The following MARF1 variants were observed in gnomAD, a reference collection of about 807,000 sequenced individuals.
MARF1 encodes the protein meiosis regulator and mRNA stability factor 1.
Under a neutral mutation model 168.2 loss-of-function variants are expected in MARF1, and 24 were observed. That is an observed-to-expected ratio of 0.14 (90% CI 0.10 to 0.20). MARF1 has a LOEUF of 0.20. Among genes scored for constraint, MARF1 ranks in the 10% least tolerant of loss-of-function variants. MARF1 has a pLI of 1.00. For synonymous variants in MARF1, 868 were observed against 822.4 expected, an observed-to-expected ratio of 1.06 and a Z score of -0.95; for missense variants, 1,744 against 2,143.6, an observed-to-expected ratio of 0.81 and a Z score of 3.68.
At chr16:15,615,266 T>G (rs980322761) in intron 16 of MARF1, among the ~76,000 whole-genome samples, 3 of 151,932 alleles carry the variant, frequency 2.0e-5, no homozygotes, top group Non-Finnish European at 4.4e-5. Context: ...GAGGCCATAG[T>G]GGGACGACAT....
intron 16 of MARF1, among the ~76,000 whole-genome samples, chr16:15,615,088 C>T (rs1307854364): frequency 6.6e-6 from 1 of 152,152 alleles, no homozygotes; most frequent in Non-Finnish European, 1.5e-5. Context: ...GCCCCTGAAA[C>T]TATTTTTAAA....
rs577123015 is a variant in MARF1, at chr16:15,615,019, G to A, written c.3253+811C>T. On this transcript the variant is annotated intron_variant, in intron 16 of 26. Coordinates refer to ENST00000396368, the MANE Select transcript of MARF1 (RefSeq NM_014647.4). Reference sequence around the variant, plus strand: ...TGGTCTTGAACTCCTGACCTCAGGTGATTTACCCACCTCAGCTTCCCAGAG... The same window carrying A: ...TGGTCTTGAACTCCTGACCTCAGGTAATTTACCCACCTCAGCTTCCCAGAG... Among the ~76,000 whole-genome samples the A allele has an allele frequency of 3.3e-5, 5 of 152,220 alleles. No individual in the cohort carries two copies. The South Asian group carries it at 1.0e-3, about 32-fold the overall frequency.
At chr16:15,623,274 C>CTTTTTTTTTTTT (rs71375044) in intron 10 of MARF1, 151 bp from the exon 11 acceptor site, 3 of 114,990 alleles carry the variant, frequency 2.6e-5, no homozygotes, top group Non-Finnish European at 1.5e-5. Context: ...TGTTTTTAAT[C>CTTTTTTTTTTTT]TTTTTTTTTT....
At chr16:15,623,667 T>C (rs550641145) in intron 10 of MARF1, among the ~76,000 whole-genome samples, 2 of 152,188 alleles carry the variant, frequency 1.3e-5, no homozygotes, top group African/African-American at 4.8e-5. Context: ...CCAATTAATA[T>C]ATATTCTTCC....
rs534208948 is a variant in MARF1 at position 15,596,398 on chromosome 16, C to G, written c.*295G>C. The G allele has an allele frequency of 4.4e-6, 1 of 229,236 alleles. No individual in the cohort carries two copies. Among genetic ancestry groups the G allele is most frequent in the East Asian group, 8.9e-5 (1 of 11,250 alleles). 14.2% of individuals were successfully genotyped at this position (229,236 alleles called of 1,614,324 possible). ...TTAGTGCTTTCTTCTTTTGGAACAC[C>G]ATTGTATTTCATAATAGTTACTAAA... On this transcript the variant is annotated 3_prime_UTR_variant, in exon 27 of 27. Coordinates refer to ENST00000396368, the MANE Select transcript of MARF1 (RefSeq NM_014647.4).
intron 26 of MARF1, among the ~76,000 whole-genome samples, chr16:15,598,575 AG>A (rs2032012422): frequency 6.6e-6 from 1 of 152,046 alleles, no homozygotes; most frequent in Non-Finnish European, 1.5e-5. Context: ...GAAGCCCAGG[AG>A]GCCCCACCCA....
At chr16:15,638,164 C>CAAAA (rs980443141) in intron 2 of MARF1, among the ~76,000 whole-genome samples, 7 of 151,682 alleles carry the variant, frequency 4.6e-5, no homozygotes, top group Admixed American at 4.6e-4. Context: ...GACTCTGTCT[C>CAAAA]AAAAAATAAA....
At chr16:15,614,216 C>T (rs543055511) in intron 16 of MARF1, among the ~76,000 whole-genome samples, 8 of 152,126 alleles carry the variant, frequency 5.3e-5, no homozygotes, top group African/African-American at 1.9e-4. Context: ...GGTGCGGTGG[C>T]TCACGTCTGT....
intron 12 of MARF1, among the ~76,000 whole-genome samples, 185 bp from the exon 13 acceptor site, chr16:15,620,716 T>G (rs1195903150): frequency 6.6e-6 from 1 of 152,182 alleles, no homozygotes; most frequent in Non-Finnish European, 1.5e-5. Context: ...GAAAGAAGAT[T>G]ACGTTACACA....
At chr16:15,600,810 A>G in intron 23 of MARF1, 109 bp from the exon 24 acceptor site, 1 of 1,112,410 alleles carries the variant, frequency 9.0e-7, no homozygotes, top group Admixed American at 1.8e-5. Context: ...AGAATTTAGG[A>G]GCTGAGTTAC....
At chr16:15,612,837 G>GA in intron 16 of MARF1, 60 bp from the exon 17 acceptor site, 1 of 1,439,802 alleles carries the variant, frequency 6.9e-7, no homozygotes, top group Non-Finnish European at 9.7e-7. Flanking sequence ...TGAAAGAAGG[G>GA]AAAATGGCCC....
chr16:15,619,201 C>A (rs1212884778), intron 13 of MARF1, among the ~76,000 whole-genome samples: 1 of 152,186 alleles, frequency 6.6e-6, no homozygotes, highest in Non-Finnish European at 1.5e-5. Flanking sequence ...CATCTGAGTC[C>A]AGGAGTCTGA....
At chr16:15,619,753 C>G (rs547517123) in intron 13 of MARF1, among the ~76,000 whole-genome samples, 1 of 152,344 alleles carries the variant, frequency 6.6e-6, no homozygotes, top group East Asian at 1.9e-4. Context: ...CTTGTACTCA[C>G]TAGTCCCTGC....
chr16:15,610,908 C>G, intron 19 of MARF1, 67 bp downstream of exon 19: 3 of 1,498,328 alleles, frequency 2.0e-6, no homozygotes, highest in Non-Finnish European at 2.7e-6. Context: ...CCACATCTTC[C>G]ATGCCACACT....
At chr16:15,614,150 G>C (rs568699395) in intron 16 of MARF1, among the ~76,000 whole-genome samples, 1 of 152,132 alleles carries the variant, frequency 6.6e-6, no homozygotes, top group South Asian at 2.1e-4. Flanking sequence ...GCATTAAGTG[G>C]TATTTCCTTC....
rs926270302 is a variant in MARF1, at chr16:15,596,590, G to A, written c.*103C>T. On this transcript the variant is annotated 3_prime_UTR_variant, in exon 27 of 27. Coordinates refer to ENST00000396368, the MANE Select transcript of MARF1 (RefSeq NM_014647.4). ...CAGGTAAGATGAAGTCAATGGCTTC[G>A]GGGGGTTTTCATGACACAGAAAAGG... is the stretch of plus-strand genomic sequence containing the variant. 4.7e-5 allele frequency: 57 copies of A among 1,221,304 alleles called. No individual in the cohort carries two copies. The highest frequency in any genetic ancestry group is 5.5e-5 in the Non-Finnish European group (49 of 896,608). The allele number at this position is 1,221,304 out of a possible 1,614,324, so 75.7% of individuals were successfully genotyped here.
rs2032335706 is a variant in MARF1, at chr16:15,600,666, A to G, written c.4662T>C (p.Ile1554=). 6.2e-7 allele frequency: 1 copy of G among 1,613,700 alleles called. No individual in the cohort carries two copies. Among genetic ancestry groups the G allele is most frequent in the African/African-American group, 1.3e-5 (1 of 74,908 alleles). ...TTTTCATGTCATTTTTTAACACTACAATTCTCTTATGACCATGTCCTTTTA... is the reference window on the plus strand; with the variant it reads ...TTTTCATGTCATTTTTTAACACTACGATTCTCTTATGACCATGTCCTTTTA... ...VWIKGHGHKR[I]VVLKNDMKSR... Residue 1554 remains isoleucine, a synonymous_variant, in exon 24 of 27, where the codon ATT becomes ATC. Coordinates refer to ENST00000396368, the MANE Select transcript of MARF1 (RefSeq NM_014647.4).
At position 15,602,191 on chromosome 16, in the gene MARF1, C is replaced by T. The variant is rs1019209975; in HGVS notation, c.4426G>A (p.Asp1476Asn). 5.6e-6 allele frequency: 9 copies of T among 1,613,930 alleles called. No individual in the cohort carries two copies. Among genetic ancestry groups the T allele is most frequent in the South Asian group, 5.5e-5 (5 of 91,078 alleles). ...LPYLVEVFTN[D>N]KMEECVKLTS... is the part of the protein sequence containing the mutation. ...AGCTTCACACATTCTTCCATCTTAT[C>T]ATTAGTGAAAACCTGGTTAAAAAGA... Residue 1476 changes from aspartate to asparagine, a missense_variant, in exon 23 of 27, where the codon GAT becomes AAT. Around this residue, in one of 7 missense-constraint regions of MARF1, gnomAD observed 313 missense variants for 337.4 expected, o/e 0.93. Transcript: ENST00000396368.
chr16:15,619,677 G>T (rs927584127), intron 13 of MARF1, among the ~76,000 whole-genome samples: 1 of 152,120 alleles, frequency 6.6e-6, no homozygotes, highest in African/African-American at 2.4e-5. Context: ...CTTCCCGCTA[G>T]ACATAAGCTC....
Sources: allele counts gnomAD v4.1 joint callset (sites outside exome capture counted in the v4.1 genomes callset), GRCh38; gene constraint gnomAD v4.1.1; regional missense constraint gnomAD v4.1.1; transcripts MANE v1.5; gene names NCBI Gene and HGNC (gene_info 2026-07-23, HGNC 2026-07-21).